The following ZFHX3 variants were observed in gnomAD, a reference collection of about 807,000 sequenced individuals.
ZFHX3 encodes the protein zinc finger homeobox protein 3.
A neutral mutation model predicts 279.1 loss-of-function variants in ZFHX3; 42 were observed. The observed-to-expected ratio is 0.15, with a 90% CI of 0.12 to 0.19. The LOEUF (loss-of-function observed/expected upper bound fraction) is 0.19, where lower values mean the gene tolerates loss of function less well. ZFHX3 is among the 10% of genes least tolerant of loss of function. The pLI, the probability that ZFHX3 is intolerant of heterozygous loss-of-function variation, is 1.00. For synonymous variants in ZFHX3, 2,293 were observed against 1,957.8 expected, an observed-to-expected ratio of 1.17 and a Z score of -4.52; for missense variants, 4,981 against 4,754.0, an observed-to-expected ratio of 1.05 and a Z score of -1.40.
intron 1 of ZFHX3, among the ~76,000 whole-genome samples, chr16:73,819,041 C>T (rs377269314): frequency 2.0e-5 from 3 of 152,074 alleles, no homozygotes; most frequent in African/African-American, 7.2e-5. Flanking sequence ...CATCCTCAAG[C>T]CTCCTGTGCA....
chr16:73,787,673 G>A (rs1443045712), intron 1 of ZFHX3, among the ~76,000 whole-genome samples: 1 of 152,124 alleles, frequency 6.6e-6, no homozygotes, highest in Non-Finnish European at 1.5e-5. Context: ...AATTTCAGGG[G>A]CTTGCCGCCT....
intron 3 of ZFHX3, among the ~76,000 whole-genome samples, chr16:73,366,681 C>A (rs7192204): frequency 0.048 from 7,224 of 151,370 alleles, 577 homozygotes; most frequent in African/African-American, 0.16. Context: ...CCATTAATTA[C>A]GTGATATTGT....
intron 2 of ZFHX3, among the ~76,000 whole-genome samples, chr16:73,617,046 T>C (rs4888526): frequency 0.26 from 39,472 of 152,114 alleles, 5,862 homozygotes; most frequent in African/African-American, 0.4. Context: ...CTATTAATCA[T>C]AAACCCTCCA....
intron 4 of ZFHX3, among the ~76,000 whole-genome samples, chr16:73,279,844 A>C (rs560336822): frequency 3.3e-4 from 51 of 152,340 alleles, no homozygotes; most frequent in Non-Finnish European, 7.2e-4. Context: ...ACACTGCAAC[A>C]AATTAAAAAG....
intron 2 of ZFHX3, among the ~76,000 whole-genome samples, chr16:73,606,980 AAAAC>A (rs2052192736): frequency 7.5e-6 from 1 of 133,104 alleles, no homozygotes; most frequent in Non-Finnish European, 1.7e-5. Context: ...TCCATCTCAG[AAAAC>A]AAACAAACAA....
In ZFHX3 at chr16:73,672,139, T is replaced by G. The variant is rs148586575; in HGVS notation, c.-1547+8041A>C. 2.3e-3 allele frequency among the ~76,000 whole-genome samples: 351 copies of G among 152,238 alleles called. 2 individuals are homozygous for G. The highest frequency in any genetic ancestry group is 6.8e-3 in the Middle Eastern group (2 of 294). On this transcript the variant is annotated intron_variant, in intron 2 of 17. Coordinates refer to the ZFHX3 transcript ENST00000641206. ...GTAGTGTATATAAGACAGATTCAGA[T>G]AGCAGATCAAATCAATTAGAAAAAC...
rs34744186 is a variant in ZFHX3 at position 73,777,508 on chromosome 16, C to CAAAAAA, written c.-1607-97274_-1607-97269dup. On this transcript the variant is annotated intron_variant, in intron 1 of 17. Coordinates refer to the ZFHX3 transcript ENST00000641206. ...TGGGCGACAGAGTGAGACTCTGTCT[C>CAAAAAA]AAAAAAAAAAAAAAAAAAAAAAAAG... Among the ~76,000 whole-genome samples the CAAAAAA allele has an allele frequency of 7.5e-4, 47 of 62,640 alleles. 3 individuals are homozygous for CAAAAAA. The highest frequency in any genetic ancestry group is 1.7e-3 in the African/African-American group (30 of 17,534). 41.1% of individuals were successfully genotyped at this position (62,640 alleles called of 152,430 possible). A position where few individuals can be genotyped will look rare whatever the true frequency, so the allele number is the denominator to read the frequency against.
In ZFHX3 at chr16:72,794,080, A is replaced by G; in HGVS notation, c.8602T>C (p.Ser2868Pro). ...ATGIATETKS[S>P]SAPNEGLTKA... ...GTCAACCCTTCGTTGGGTGCAGAAG[A>G]GGATTTGGTTTCAGTTGCTATTCCC... The change falls in exon 9 of 10, where the codon TCT becomes CCT. Residue 2868 changes from serine to proline, a missense_variant. By Grantham distance (74) the Ser-to-Pro change is moderately conservative. Transcript: ENST00000268489. The surrounding 1 kb of genome is among the most constrained non-coding windows in gnomAD (Gnocchi z 4.2). 1 of 1,614,174 alleles carries G rather than the reference A, an allele frequency of 6.2e-7. No individual in the cohort carries two copies. The highest frequency in any genetic ancestry group is 1.1e-5 in the South Asian group (1 of 91,084).
rs1214891131 is a variant in ZFHX3 at position 72,959,493 on chromosome 16, G to A, written c.653C>T (p.Thr218Ile). 6.2e-7 allele frequency: 1 copy of A among 1,614,280 alleles called. No homozygotes were observed. Residue 218 changes from threonine (T) to isoleucine (I), a missense_variant, in exon 2 of 10, where the codon ACC becomes ATC. Physicochemically the swap from Thr to Ile is moderately conservative, Grantham distance 89. Transcript: ENST00000268489. Reference protein sequence around the residue: ...FEGPDQAFPNTSALAGLSPVL... With the variant: ...FEGPDQAFPNISALAGLSPVL... ...GGGGCTGAGCCCCGCCAGGGCTGAG[G>A]TATTCGGGAAAGCCTGGTCTGGGCC...
intron 1 of ZFHX3, among the ~76,000 whole-genome samples, chr16:73,023,182 G>A (rs974153690): frequency 6.6e-6 from 1 of 152,300 alleles, no homozygotes; most frequent in South Asian, 2.1e-4. Context: ...AGCTGAGATC[G>A]CACTGCTGCA....
chr16:73,885,347 G>A (rs2030311430), intron 1 of ZFHX3, among the ~76,000 whole-genome samples: 1 of 151,966 alleles, frequency 6.6e-6, no homozygotes, highest in Admixed American at 6.6e-5. Context: ...CATGATTATA[G>A]CCCGATCTGG....
At chr16:72,955,359 G>C (rs1164399100) in intron 2 of ZFHX3, among the ~76,000 whole-genome samples, 1 of 152,278 alleles carries the variant, frequency 6.6e-6, no homozygotes, top group Admixed American at 6.5e-5. Context: ...TGCTCCTTCT[G>C]AATCTGCCGC....
intron 2 of ZFHX3, among the ~76,000 whole-genome samples, chr16:73,599,395 G>C (rs1303529620): frequency 6.6e-6 from 1 of 152,224 alleles, no homozygotes; most frequent in Non-Finnish European, 1.5e-5. Context: ...TGCAAGGTCT[G>C]GTGCAAAATG....
At chr16:72,893,160 T>G (rs1233714436) in intron 3 of ZFHX3, among the ~76,000 whole-genome samples, 1 of 152,114 alleles carries the variant, frequency 6.6e-6, no homozygotes, top group Non-Finnish European at 1.5e-5. Context: ...CAACTAAAAC[T>G]GAGTGAATAA....
intron 2 of ZFHX3, 119 bp downstream of exon 2, chr16:72,957,308 A>C (rs1435641091): frequency 1.6e-6 from 2 of 1,264,496 alleles, no homozygotes; most frequent in Admixed American, 4.7e-5. Flanking sequence ...TCCAGTTTAC[A>C]CAAAAACCAC....
chr16:73,194,156 C>CAAAT (rs1968096962), intron 5 of ZFHX3, among the ~76,000 whole-genome samples: 2 of 152,110 alleles, frequency 1.3e-5, no homozygotes, highest in Non-Finnish European at 2.9e-5. Flanking sequence ...TCATAGACCC[C>CAAAT]GGTTTAGGAA....
intron 8 of ZFHX3, among the ~76,000 whole-genome samples, chr16:73,069,269 G>A (rs1965794035): frequency 6.6e-6 from 1 of 152,162 alleles, no homozygotes; most frequent in Admixed American, 6.5e-5. Context: ...CTTTTAACCC[G>A]AGGGCTGAAA....
At position 73,762,535 on chromosome 16, in the gene ZFHX3, C is replaced by G. The variant is rs114146278; in HGVS notation, c.-1607-82295G>C. ...ATAAAGATACATGCACAAGTATGCT[C>G]ATTGCGCACTACTCACAATAGCAAA... On this transcript the variant is annotated intron_variant, in intron 1 of 17. Transcript: ENST00000641206. Among the ~76,000 whole-genome samples, 802 of 152,258 alleles carry G rather than the reference C, an allele frequency of 5.3e-3. 9 individuals carry two copies. Among genetic ancestry groups the G allele is most frequent in the African/African-American group, 0.019 (777 of 41,562 alleles).
At chr16:73,530,397 C>T (rs2019777543) in intron 2 of ZFHX3, among the ~76,000 whole-genome samples, 1 of 152,252 alleles carries the variant, frequency 6.6e-6, no homozygotes, top group East Asian at 1.9e-4. Context: ...AGTTAATTAC[C>T]TCCTCTAAGC....
Sources: allele counts gnomAD v4.1 joint callset (sites outside exome capture counted in the v4.1 genomes callset), GRCh38; gene constraint gnomAD v4.1.1; non-coding constraint Gnocchi (gnomAD v3.1); transcripts MANE v1.5; gene names NCBI Gene and HGNC (gene_info 2026-07-23, HGNC 2026-07-21).